The following IQUB variants were observed in gnomAD, a reference collection of about 807,000 sequenced individuals.
IQUB encodes IQ motif and ubiquitin-like domain-containing protein.
IQUB carries 86 observed loss-of-function variants against 86.4 expected under a neutral mutation model. That is an observed-to-expected ratio of 1.00 (90% CI 0.84 to 1.19). The LOEUF is 1.19. IQUB is among the 50% of genes most tolerant of loss of function. The pLI is 0.00. For synonymous variants in IQUB, 289 were observed against 304.5 expected, an observed-to-expected ratio of 0.95 and a Z score of 0.53; for missense variants, 946 against 916.9, an observed-to-expected ratio of 1.03 and a Z score of -0.41.
At chr7:123,521,681 C>CACACAG (rs533866528) in intron 1 of IQUB, among the ~76,000 whole-genome samples, 8,385 of 150,816 alleles carry the variant, frequency 0.056, 251 homozygotes, top group Non-Finnish European at 0.067. Flanking sequence ...CACACACACA[C>CACACAG]AGAGATCACA....
intron 11 of IQUB, among the ~76,000 whole-genome samples, chr7:123,458,548 T>C (rs2116949731): frequency 6.6e-6 from 1 of 152,172 alleles, no homozygotes; most frequent in Admixed American, 6.6e-5. Flanking sequence ...ACAGCTGCTA[T>C]GAAAAATAAA....
At chr7:123,530,813 A>T (rs1035188682) in intron 1 of IQUB, among the ~76,000 whole-genome samples, 2 of 151,428 alleles carry the variant, frequency 1.3e-5, no homozygotes, top group African/African-American at 4.9e-5. Context: ...AGTAGCTCAG[A>T]TTATAGGCAC....
At chr7:123,500,753 T>C (rs1795906498) in intron 6 of IQUB, among the ~76,000 whole-genome samples, 1 of 152,172 alleles carries the variant, frequency 6.6e-6, no homozygotes, top group African/African-American at 2.4e-5. Flanking sequence ...GCCATCCTCG[T>C]TGGCAGCATT....
chr7:123,469,357 G>T lies in IQUB; in HGVS notation c.1438C>A (p.Pro480Thr). The change falls in exon 9 of 13, where the codon CCT (proline) becomes ACT (threonine). Residue 480 changes from proline to threonine, a missense_variant. Physicochemically the swap from Pro to Thr is conservative, Grantham distance 38 (BLOSUM62 -1). Coordinates refer to ENST00000324698, the MANE Select transcript of IQUB (RefSeq NM_178827.5). ...TCCATCTCAATTGTTTTGCCATTAG[G>T]GGTTCTCCATATTTTTGGAGCTGAA... is the stretch of plus-strand genomic sequence containing the variant. The part of the protein sequence containing the change: ...KCSAPKIWRT[P>T]NGKTIEMDTQ... 2 of 1,595,552 alleles carry T rather than the reference G, an allele frequency of 1.3e-6. No homozygotes were observed. Among genetic ancestry groups the T allele is most frequent in the South Asian group, 2.3e-5 (2 of 86,778 alleles).
chr7:123,512,744 G>A (rs1004364300), intron 1 of IQUB, among the ~76,000 whole-genome samples: 6 of 152,100 alleles, frequency 3.9e-5, no homozygotes, highest in African/African-American at 1.4e-4. Flanking sequence ...CAGCTCTATA[G>A]CAAGTGTACC....
chr7:123,472,009 G>A (rs375897980), intron 8 of IQUB, among the ~76,000 whole-genome samples: 91 of 152,104 alleles, frequency 6.0e-4, no homozygotes, highest in East Asian at 2.5e-3. Context: ...AGGCCAAGGC[G>A]GGCAGATTAC....
chr7:123,520,507 G>A (rs569135487), intron 1 of IQUB, among the ~76,000 whole-genome samples: 1 of 152,256 alleles, frequency 6.6e-6, no homozygotes, highest in South Asian at 2.1e-4. Context: ...TGGTTGAAAT[G>A]ACATCTGAGC....
intron 6 of IQUB, 175 bp downstream of exon 6, chr7:123,502,422 G>T (rs984195712): frequency 1.7e-6 from 1 of 588,456 alleles, no homozygotes; most frequent in Admixed American, 3.5e-5. Flanking sequence ...TAGGATGCTG[G>T]TTCTTTACAT....
At chr7:123,497,181 C>A (rs1198573543) in intron 6 of IQUB, among the ~76,000 whole-genome samples, 1 of 152,144 alleles carries the variant, frequency 6.6e-6, no homozygotes, top group Non-Finnish European at 1.5e-5. Context: ...TAGTTTGAAT[C>A]TTCCTTCTGC....
intron 1 of IQUB, among the ~76,000 whole-genome samples, chr7:123,521,780 T>C (rs1199736490): frequency 6.6e-6 from 1 of 152,112 alleles, no homozygotes; most frequent in African/African-American, 2.4e-5. Flanking sequence ...AATAACTACA[T>C]GTTTTCAAGA....
chr7:123,507,959 G>A (rs571439966), intron 3 of IQUB, among the ~76,000 whole-genome samples: 17 of 152,126 alleles, frequency 1.1e-4, no homozygotes, highest in South Asian at 6.2e-4. Context: ...CTAATCTCCC[G>A]GACCTATGAA....
chr7:123,493,968 T>C (rs1795604239), intron 7 of IQUB, among the ~76,000 whole-genome samples: 1 of 152,018 alleles, frequency 6.6e-6, no homozygotes, highest in South Asian at 2.1e-4. Flanking sequence ...GGGCAACTAC[T>C]CACAACAGCA....
intron 9 of IQUB, among the ~76,000 whole-genome samples, chr7:123,466,362 G>A (rs1249759015): frequency 6.6e-6 from 1 of 152,024 alleles, no homozygotes; most frequent in Non-Finnish European, 1.5e-5. Context: ...AATTATGTCA[G>A]GATTTATATT....
intron 3 of IQUB, among the ~76,000 whole-genome samples, chr7:123,508,644 T>C (rs1639927508): frequency 6.6e-6 from 1 of 152,222 alleles, no homozygotes. Flanking sequence ...TAAGTACCAC[T>C]AGCTGGTTAC....
chr7:123,493,731 ATGTGTGTGTG>A (rs71161484), intron 7 of IQUB, among the ~76,000 whole-genome samples: 2,091 of 112,658 alleles, frequency 0.019, 46 homozygotes, highest in African/African-American at 0.059. Context: ...ATGTGTGTGT[ATGTGTGTGTG>A]TGTGTGTGTG....
At chr7:123,526,031 C>T (rs1433740429) in intron 1 of IQUB, among the ~76,000 whole-genome samples, 13 of 146,620 alleles carry the variant, frequency 8.9e-5, no homozygotes, top group Admixed American at 2.1e-4. Flanking sequence ...ATTCTTAATC[C>T]TGAGTTCTAG....
chr7:123,461,465 A>T lies in IQUB; in HGVS notation c.1899T>A (p.Asn633Lys). The T allele has an allele frequency of 6.2e-7, 1 of 1,612,554 alleles. No individual in the cohort carries two copies. Among genetic ancestry groups the T allele is most frequent in the Non-Finnish European group, 8.5e-7 (1 of 1,179,000 alleles). The change falls in exon 11 of 13, where the codon AAT (asparagine) becomes AAA (lysine). Residue 633 changes from asparagine (N) to lysine (K), a missense_variant. Transcript: ENST00000324698. ...YRCRNCINLQ[N>K]EAQKRESFLK... is the part of the protein sequence containing the mutation. ...AAAATGATTCTCGTTTTTGAGCCTC[A>T]TTCTGAAGGTTAATGCAGTTACGAC...
chr7:123,512,961 G>A (rs1045686234), intron 1 of IQUB, among the ~76,000 whole-genome samples: 4 of 152,148 alleles, frequency 2.6e-5, no homozygotes, highest in African/African-American at 9.7e-5. Flanking sequence ...ATAGTCCAAG[G>A]CATGCCAGAG....
chr7:123,467,431 T>C (rs1027249388), intron 9 of IQUB, among the ~76,000 whole-genome samples: 5 of 152,052 alleles, frequency 3.3e-5, no homozygotes, highest in Admixed American at 1.3e-4. Context: ...ACAGCTACCA[T>C]CAGCTGAAAA....
Sources: allele counts gnomAD v4.1 joint callset (sites outside exome capture counted in the v4.1 genomes callset), GRCh38; gene constraint gnomAD v4.1.1; transcripts MANE v1.5; gene names NCBI Gene and HGNC (gene_info 2026-07-23, HGNC 2026-07-21).